Variants in TRIM25 observed in about 807,000 individuals in gnomAD.
TRIM25 encodes E3 ubiquitin/ISG15 ligase TRIM25.
TRIM25 carries 45 observed loss-of-function variants against 65.2 expected under a neutral mutation model. The ratio of observed to expected loss-of-function variants is 0.69; its 90% CI spans 0.54 to 0.89. The LOEUF (loss-of-function observed/expected upper bound fraction) is 0.89, where lower values mean the gene tolerates loss of function less well. Among genes scored for constraint, TRIM25 ranks in the 40% least tolerant of loss-of-function variants. The pLI is 0.00. For missense variants in TRIM25, 714 were observed against 803.7 expected, an observed-to-expected ratio of 0.89 and a Z score of 1.35; for synonymous variants, 321 against 340.4, an observed-to-expected ratio of 0.94 and a Z score of 0.63.
At chr17:56,907,977 G>A (rs139336580) in intron 2 of TRIM25, among the ~76,000 whole-genome samples, 2 of 152,136 alleles carry the variant, frequency 1.3e-5, no homozygotes, top group African/African-American at 2.4e-5. Context: ...AGCAAAGAAG[G>A]GTTCTCCCCT....
intron 3 of TRIM25, among the ~76,000 whole-genome samples, chr17:56,903,010 T>C (rs1156722989): frequency 6.6e-6 from 1 of 152,152 alleles, no homozygotes; most frequent in Non-Finnish European, 1.5e-5. Context: ...AAAGCTTCCT[T>C]CCTCACCAAA....
rs762154025 is a variant in TRIM25 at position 56,890,724 on chromosome 17, G to C, written c.*976C>G. ...ATTCCATATGTCACAATCCAGGGAAGAGAGGCTATCACCGAGAAGAGTTGT... is the reference window on the plus strand; with the variant it reads ...ATTCCATATGTCACAATCCAGGGAACAGAGGCTATCACCGAGAAGAGTTGT... On this transcript the variant is annotated 3_prime_UTR_variant, in exon 9 of 9. Coordinates refer to ENST00000316881, the MANE Select transcript of TRIM25 (RefSeq NM_005082.5). 1 of 456,476 alleles carries C rather than the reference G, an allele frequency of 2.2e-6. No homozygotes were observed. The highest frequency in any genetic ancestry group is 4.4e-6 in the Non-Finnish European group (1 of 226,902). The allele number at this position is 456,476 out of a possible 1,614,324, so 28.3% of individuals were successfully genotyped here.
intron 4 of TRIM25, among the ~76,000 whole-genome samples, chr17:56,899,462 T>C (rs1567839776): frequency 6.6e-6 from 1 of 152,254 alleles, no homozygotes; most frequent in Admixed American, 6.5e-5. Flanking sequence ...CTTTGGTTTC[T>C]TCGAGCACAC....
In TRIM25 at chr17:56,890,106, A is replaced by G; in HGVS notation, c.*1594T>C. 1 of 361,418 alleles carries G rather than the reference A, an allele frequency of 2.8e-6. No homozygotes were observed. The highest frequency in any genetic ancestry group is 2.1e-5 in the African/African-American group (1 of 47,780). The allele number at this position is 361,418 out of a possible 1,614,324, so 22.4% of individuals were successfully genotyped here. A position where few individuals can be genotyped will look rare whatever the true frequency, so the allele number is the denominator to read the frequency against. The stretch of plus-strand genomic sequence containing the variant: ...ATTACATTCTCAAATATCCATATGA[A>G]AAGGTCTGGGGTCTCTAGTTCCCCA... On this transcript the variant is annotated 3_prime_UTR_variant, in exon 9 of 9. Transcript: ENST00000316881.
rs1472747579 is a variant in TRIM25, at chr17:56,913,757, G to C, written c.232C>G (p.Gln78Glu). The change falls in exon 1 of 9, where the codon CAG becomes GAG. Residue 78 changes from glutamine to glutamate, a missense_variant. Coordinates refer to ENST00000316881, the MANE Select transcript of TRIM25 (RefSeq NM_005082.5). The surrounding 1 kb of genome is among the most constrained non-coding windows in gnomAD (Gnocchi z 6.1). ...GGTGGCTCCCGGGCCAGGTCGGCCT[G>C]CAGGAACTGCTCCACCACGTTGCAC... The part of the protein sequence containing the change: ...VLCNVVEQFL[Q>E]ADLAREPPAD... 3 of 1,547,932 alleles carry C rather than the reference G, an allele frequency of 1.9e-6. No individual in the cohort carries two copies. The South Asian group carries it at 3.7e-5, about 19-fold the overall frequency.
At chr17:56,893,754 A>G (rs56213018) in intron 8 of TRIM25, among the ~76,000 whole-genome samples, 2 of 152,340 alleles carry the variant, frequency 1.3e-5, no homozygotes, top group African/African-American at 2.4e-5. Flanking sequence ...GGGTGGATGG[A>G]AACCCAGGGG....
chr17:56,903,455 TG>T (rs1481073333), intron 3 of TRIM25, among the ~76,000 whole-genome samples: 3 of 152,072 alleles, frequency 2.0e-5, no homozygotes, highest in African/African-American at 7.2e-5. Context: ...TTTATAGCAA[TG>T]CAAAAGGGAC....
rs763591336 is a variant in TRIM25, at chr17:56,913,540, C to G, written c.449G>C (p.Arg150Pro). 4 of 1,613,738 alleles carry G rather than the reference C, an allele frequency of 2.5e-6. No homozygotes were observed. Among genetic ancestry groups the G allele is most frequent in the Non-Finnish European group, 3.4e-6 (4 of 1,179,788 alleles). ...FQDHPLQPPV[R>P]DLLRRKCSQH... is the part of the protein sequence containing the mutation. ...GGAACATTTGCGGCGCAACAGGTCG[C>G]GAACGGGCGGCTGCAGCGGGTGGTC... Residue 150 changes from arginine to proline, a missense_variant, in exon 1 of 9, where the codon CGC becomes CCC. By Grantham distance (103) the Arg-to-Pro change is moderately radical (BLOSUM62 -2). Coordinates refer to ENST00000316881, the MANE Select transcript of TRIM25 (RefSeq NM_005082.5). This position sits in a 1 kb window ranked among gnomAD's most constrained non-coding sequence, Gnocchi z 6.1.
intron 2 of TRIM25, among the ~76,000 whole-genome samples, chr17:56,907,926 T>C (rs777865047): frequency 1.3e-5 from 2 of 152,120 alleles, no homozygotes; most frequent in Non-Finnish European, 2.9e-5. Flanking sequence ...AGTGATGCAG[T>C]CAAAAGCCAA....
At position 56,890,297 on chromosome 17, in the gene TRIM25, C is replaced by G; in HGVS notation, c.*1403G>C. 3.0e-6 allele frequency: 1 copy of G among 336,932 alleles called. No homozygotes were observed. The highest frequency in any genetic ancestry group is 5.8e-6 in the Non-Finnish European group (1 of 171,974). The allele number at this position is 336,932 out of a possible 1,614,324, so 20.9% of individuals were successfully genotyped here. A position where few individuals can be genotyped will look rare whatever the true frequency, so the allele number is the denominator to read the frequency against. On this transcript the variant is annotated 3_prime_UTR_variant, in exon 9 of 9. Transcript: ENST00000316881. Reference sequence around the variant, plus strand: ...GAAAATCCAGCCATCCATTCACTCCCGCCCCTTAGTGGACTGGGTTATTTT... The same window carrying G: ...GAAAATCCAGCCATCCATTCACTCCGGCCCCTTAGTGGACTGGGTTATTTT...
rs141375141 is a variant in TRIM25, at chr17:56,897,872, C to T, written c.1153+1243G>A. Among the ~76,000 whole-genome samples the T allele has an allele frequency of 2.0e-5, 3 of 151,986 alleles. No homozygotes were observed. The East Asian group carries it at 5.8e-4, about 30-fold the overall frequency. ...ACACAAAGTACCCTTCGAGGTTTTC[C>T]GGCCCAGCTAAGGGCTCCCTCCTCC... On this transcript the variant is annotated intron_variant, in intron 5 of 8. Coordinates refer to ENST00000316881, the MANE Select transcript of TRIM25 (RefSeq NM_005082.5).
intron 1 of TRIM25, chr17:56,912,002 G>A (rs79244325): frequency 0.056 from 8,565 of 152,124 alleles, 336 homozygotes; most frequent in East Asian, 0.19. Context: ...GGAAGTTCAA[G>A]AACATCCTAG....
chr17:56,906,937 C>A (rs1909532724), intron 2 of TRIM25, among the ~76,000 whole-genome samples: 1 of 152,216 alleles, frequency 6.6e-6, no homozygotes, highest in Non-Finnish European at 1.5e-5. Context: ...ATTTCCCAGC[C>A]TCCCCTGCAG....
intron 1 of TRIM25, among the ~76,000 whole-genome samples, chr17:56,910,180 G>A (rs74731673): frequency 2.6e-5 from 4 of 151,926 alleles, no homozygotes; most frequent in Non-Finnish European, 4.4e-5. Context: ...TTTCCTTCCC[G>A]TAACTAGCAG....
At position 56,892,162 on chromosome 17, in the gene TRIM25, T is replaced by G; in HGVS notation, c.1431A>C (p.Thr477=). Residue 477 remains threonine, a synonymous_variant, in exon 9 of 9, where the codon ACA becomes ACC. Coordinates refer to ENST00000316881, the MANE Select transcript of TRIM25 (RefSeq NM_005082.5). ...HNKVALSECY[T]VASVAEMPQN... is the part of the protein sequence containing the mutation. ...GAGGCATCTCAGCCACAGAAGCTAC[T>G]GTATAGCACTCTGACAGAGCCACTT... 3 of 1,613,916 alleles carry G rather than the reference T, an allele frequency of 1.9e-6. No homozygotes were observed. Among genetic ancestry groups the G allele is most frequent in the Non-Finnish European group, 2.5e-6 (3 of 1,179,796 alleles).
intron 5 of TRIM25, among the ~76,000 whole-genome samples, chr17:56,896,807 AG>A (rs1909303137): frequency 2.0e-5 from 3 of 152,278 alleles, no homozygotes; most frequent in African/African-American, 7.2e-5. Context: ...AGAACCCCTA[AG>A]AAATGCAAAT....
chr17:56,910,168 A>AAC (rs146018986), intron 1 of TRIM25, among the ~76,000 whole-genome samples: 5,221 of 152,138 alleles, frequency 0.034, 302 homozygotes, highest in African/African-American at 0.12. Flanking sequence ...AGAAAAAAAA[A>AAC]ATTTCCTTCC....
At position 56,891,563 on chromosome 17, in the gene TRIM25, C is replaced by A. The variant is rs941939012; in HGVS notation, c.*137G>T. 4.5e-6 allele frequency: 3 copies of A among 668,442 alleles called. 1 individual carries two copies. Among genetic ancestry groups the A allele is most frequent in the East Asian group, 6.8e-5 (2 of 29,354 alleles). 41.4% of individuals were successfully genotyped at this position (668,442 alleles called of 1,614,324 possible). On this transcript the variant is annotated 3_prime_UTR_variant, in exon 9 of 9. Transcript: ENST00000316881. ...TTCCTGGCTAAATCCCACCTCCCAC[C>A]CTCCCGCCAGCTCCCCTCCCATGCT... is the stretch of plus-strand genomic sequence containing the variant.
chr17:56,904,812 T>C (rs956396432), intron 2 of TRIM25, among the ~76,000 whole-genome samples: 1 of 152,202 alleles, frequency 6.6e-6, no homozygotes, highest in African/African-American at 2.4e-5. Flanking sequence ...GAAGAAGACT[T>C]GAAGCAAAGA....
Sources: gnomAD v4.1 joint callset for allele counts (sites outside exome capture counted in the v4.1 genomes callset) on GRCh38, gnomAD v4.1.1 for gene constraint, Gnocchi (gnomAD v3.1) non-coding constraint, MANE v1.5 for transcripts, NCBI Gene and HGNC (gene_info 2026-07-23, HGNC 2026-07-21) for gene names.